Variants in RASGRF1 observed in about 807,000 individuals in gnomAD.
RASGRF1 encodes ras-specific guanine nucleotide-releasing factor 1.
In RASGRF1, 40 loss-of-function variants were observed where a neutral mutation model predicts 138.7. The observed-to-expected ratio is 0.29, with a 90% confidence interval of 0.22 to 0.38. The LOEUF (loss-of-function observed/expected upper bound fraction) is 0.38, where lower values mean the gene tolerates loss of function less well. Ranked by LOEUF, RASGRF1 falls within the 10% of genes least tolerant of loss-of-function variation. The pLI is 1.00. For missense variants in RASGRF1, 1,108 were observed against 1,650.4 expected (o/e 0.67, Z 5.69); for synonymous variants, 614 against 663.2 (o/e 0.93, Z 1.14).
chr15:79,005,100 C>A, intron 14 of RASGRF1: 1 of 985,416 alleles, frequency 1.0e-6, no homozygotes, highest in Non-Finnish European at 1.2e-6. Flanking sequence ...GGGATGTTTG[C>A]TTCTGTTTTC....
chr15:79,051,366 AC>A (rs2057428083), intron 3 of RASGRF1, among the ~76,000 whole-genome samples: 1 of 126,790 alleles, frequency 7.9e-6, no homozygotes, highest in South Asian at 2.5e-4. Flanking sequence ...TTTTCTCCCC[AC>A]CCCCTCCCCC....
Position 79,006,499 on chromosome 15 carries a change from GC to G in RASGRF1, c.1827-66del. On this transcript the variant is annotated intron_variant, in intron 13 of 26. Coordinates refer to ENST00000558480, the MANE Select transcript of RASGRF1 (RefSeq NM_001145648.3). The surrounding 1 kb of genome is among the most constrained non-coding windows in gnomAD (Gnocchi z 4.0). Reference sequence around the variant, plus strand: ...AAGGCATCTGAATGGCACCCACCAGGCCTGCTCATCACTGCTTCCCCCACAC... The same window carrying G: ...AAGGCATCTGAATGGCACCCACCAGGCTGCTCATCACTGCTTCCCCCACAC... The G allele has an allele frequency of 1.3e-6, 2 of 1,543,978 alleles. No individual in the cohort carries two copies.
chr15:79,087,795 T>C (rs2058001871), intron 1 of RASGRF1, among the ~76,000 whole-genome samples: 1 of 152,240 alleles, frequency 6.6e-6, no homozygotes, highest in African/African-American at 2.4e-5. Context: ...GATCTAGTTT[T>C]CCACAGGAGT....
intron 20 of RASGRF1, among the ~76,000 whole-genome samples, chr15:78,995,079 C>T (rs2056362147): frequency 6.6e-6 from 1 of 152,030 alleles, no homozygotes; most frequent in Admixed American, 6.5e-5. Context: ...AGGCATGCGC[C>T]ACCATGCCCG....
At chr15:79,049,433 A>T in intron 4 of RASGRF1, 63 bp downstream of exon 4, 2 of 1,504,266 alleles carry the variant, frequency 1.3e-6, no homozygotes, top group Non-Finnish European at 1.8e-6. Flanking sequence ...GATACTGCCA[A>T]CCCTGGGCTG....
In RASGRF1 at chr15:78,973,587, G is replaced by A. The variant is rs2055815229; in HGVS notation, c.3495-167C>T. Among the ~76,000 whole-genome samples, 8 of 152,148 alleles carry A rather than the reference G, an allele frequency of 5.3e-5. No individual in the cohort carries two copies. The highest frequency in any genetic ancestry group is 4.6e-4 in the Admixed American group (7 of 15,280). On this transcript the variant is annotated intron_variant, in intron 24 of 26. Transcript: ENST00000558480. This position sits in a 1 kb window ranked among gnomAD's most constrained non-coding sequence, Gnocchi z 4.9. ...CTGACTATTCTACACGCCCAGGACT[G>A]TCGGCTGGGTCTCAGGGCCAGTCCT...
chr15:79,052,299 G>A (rs977691596), intron 3 of RASGRF1, among the ~76,000 whole-genome samples: 44 of 152,328 alleles, frequency 2.9e-4, no homozygotes, highest in Admixed American at 1.3e-3. Flanking sequence ...GTGCAGTAAT[G>A]GGTGATGGAA....
At chr15:79,007,655 G>A (rs1010224444) in intron 13 of RASGRF1, among the ~76,000 whole-genome samples, 2 of 148,766 alleles carry the variant, frequency 1.3e-5, no homozygotes, top group Non-Finnish European at 3.0e-5. Context: ...GGGCTCAAGT[G>A]ATCCTCCTGC....
intron 1 of RASGRF1, among the ~76,000 whole-genome samples, chr15:79,072,267 C>CTTT (rs758415767): frequency 0.46 from 28,330 of 60,988 alleles, 11,466 homozygotes; most frequent in South Asian, 0.68. Context: ...GATAAACAAT[C>CTTT]TTTTTTTTTT....
intron 1 of RASGRF1, among the ~76,000 whole-genome samples, chr15:79,066,196 T>A (rs552178432): frequency 6.6e-6 from 1 of 152,172 alleles, no homozygotes; most frequent in African/African-American, 2.4e-5. Flanking sequence ...CATGATCTCA[T>A]TATTTCCACA....
chr15:78,965,846 G>A (rs748947356), intron 26 of RASGRF1, among the ~76,000 whole-genome samples: 9 of 152,272 alleles, frequency 5.9e-5, no homozygotes, highest in South Asian at 2.1e-4. Context: ...GTGAAACTCC[G>A]TCTCAAAAAT....
chr15:79,044,140 C>A (rs1304387291), intron 5 of RASGRF1, among the ~76,000 whole-genome samples: 3 of 152,202 alleles, frequency 2.0e-5, no homozygotes, highest in Non-Finnish European at 4.4e-5. Flanking sequence ...CAAGGAGTGC[C>A]CCTCCACATG....
chr15:79,054,129 A>G (rs1474363963), intron 3 of RASGRF1, among the ~76,000 whole-genome samples: 11 of 152,232 alleles, frequency 7.2e-5, no homozygotes, highest in Admixed American at 6.5e-4. Flanking sequence ...TGTTGTGCAG[A>G]TGGCCAATGG....
At chr15:79,000,048 G>A in intron 16 of RASGRF1, 135 bp from the exon 17 acceptor site, 1 of 869,718 alleles carries the variant, frequency 1.1e-6, no homozygotes, top group South Asian at 1.7e-5. Flanking sequence ...GGGCATGTCG[G>A]GTGGTGCTGG....
chr15:79,087,130 C>A (rs2057991498), intron 1 of RASGRF1, among the ~76,000 whole-genome samples: 1 of 152,172 alleles, frequency 6.6e-6, no homozygotes, highest in Non-Finnish European at 1.5e-5. Flanking sequence ...TGAGACTGCA[C>A]AATGTTAGGA....
intron 10 of RASGRF1, 118 bp from the exon 11 acceptor site, chr15:79,020,222 T>C: frequency 2.2e-6 from 2 of 895,170 alleles, no homozygotes; most frequent in Middle Eastern, 4.4e-4. Context: ...TACACACAGA[T>C]GTATGGATGG....
intron 14 of RASGRF1, chr15:79,004,954 G>A (rs544739484): frequency 1.2e-3 from 1,191 of 984,424 alleles, no homozygotes; most frequent in Admixed American, 2.6e-3. Flanking sequence ...ACTCAGCCAA[G>A]GCCATAGGGC....
chr15:78,969,606 T>C (rs564200395), intron 26 of RASGRF1, among the ~76,000 whole-genome samples: 110 of 152,044 alleles, frequency 7.2e-4, no homozygotes, highest in African/African-American at 2.6e-3. Context: ...GAGGCAGAGG[T>C]TGCAGTGAAC....
chr15:78,999,616 A>G, intron 17 of RASGRF1, 127 bp downstream of exon 17: 1 of 1,197,594 alleles, frequency 8.4e-7, no homozygotes, highest in Admixed American at 2.4e-5. Context: ...AACAGGACCC[A>G]CCTGTGCCAT....
Sources: gnomAD v4.1 joint callset for allele counts (sites outside exome capture counted in the v4.1 genomes callset) on GRCh38, gnomAD v4.1.1 for gene constraint, Gnocchi (gnomAD v3.1) non-coding constraint, MANE v1.5 for transcripts, NCBI Gene and HGNC (gene_info 2026-07-23, HGNC 2026-07-21) for gene names.